TASP1: variants seen among roughly 807,000 people sequenced by gnomAD.
The protein encoded by TASP1 is threonine aspartase 1.
A neutral mutation model predicts 56.6 loss-of-function variants in TASP1; 16 were observed. The ratio of observed to expected loss-of-function variants is 0.28; its 90% CI spans 0.19 to 0.43. The LOEUF is 0.43. Among genes scored for constraint, TASP1 ranks in the 20% least tolerant of loss-of-function variants. TASP1 has a pLI of 1.00. For synonymous variants in TASP1, 179 were observed against 184.2 expected (o/e 0.97, Z 0.23); for missense variants, 393 against 511.6 (o/e 0.77, Z 2.24).
At chr20:13,325,338 C>T in the TASP1 span, among the ~76,000 whole-genome samples, 2 of 152,222 alleles carry the variant, frequency 1.3e-5, no homozygotes, top group Non-Finnish European at 2.9e-5. Context: ...GTGCCAACCT[C>T]GTGCTTAAGA....
At chr20:13,635,746 A>C (rs543474862) in intron 1 of TASP1, among the ~76,000 whole-genome samples, 1 of 152,212 alleles carries the variant, frequency 6.6e-6, no homozygotes, top group African/African-American at 2.4e-5. Context: ...AGCAAATCAG[A>C]TGATTCCTAA....
the TASP1 span, among the ~76,000 whole-genome samples, chr20:13,193,839 C>T: frequency 6.6e-6 from 1 of 152,180 alleles, no homozygotes; most frequent in African/African-American, 2.4e-5. Context: ...AAGCGGCATG[C>T]TAATAGTATC....
chr20:13,393,713 AAG>A (rs1009726133), intron 13 of TASP1: 4 of 976,732 alleles, frequency 4.1e-6, no homozygotes, highest in African/African-American at 3.2e-5. Flanking sequence ...GCATGAAAGG[AAG>A]AGAGAGGCCC....
chr20:13,229,569 A>G, the TASP1 span, among the ~76,000 whole-genome samples: 2 of 152,162 alleles, frequency 1.3e-5, no homozygotes, highest in African/African-American at 4.8e-5. Context: ...ATCCCCATCA[A>G]TGGACATTTG....
chr20:13,490,425 CA>C (rs1480781020), intron 10 of TASP1, among the ~76,000 whole-genome samples: 8 of 152,084 alleles, frequency 5.3e-5, no homozygotes, highest in Admixed American at 1.3e-4. Flanking sequence ...AAAAAGTTGG[CA>C]AAACCCCAAG....
the TASP1 span, among the ~76,000 whole-genome samples, chr20:13,208,339 T>A: frequency 6.6e-6 from 1 of 152,178 alleles, no homozygotes; most frequent in African/African-American, 2.4e-5. Context: ...TTTAGTAGCA[T>A]CCCTGTTATA....
chr20:13,450,154 T>C (rs1042770952), intron 11 of TASP1, among the ~76,000 whole-genome samples: 4 of 152,096 alleles, frequency 2.6e-5, no homozygotes, highest in African/African-American at 9.7e-5. Context: ...CTAAAAAATG[T>C]AAATAACTTA....
At chr20:13,121,918 C>T in the TASP1 span, among the ~76,000 whole-genome samples, 1 of 152,246 alleles carries the variant, frequency 6.6e-6, no homozygotes, top group Non-Finnish European at 1.5e-5. Context: ...ATGACCTTGA[C>T]TTTAAAAAAT....
At chr20:13,298,864 G>C in the TASP1 span, 2 of 1,451,676 alleles carry the variant, frequency 1.4e-6, no homozygotes, top group Non-Finnish European at 1.9e-6. Context: ...GAGCAGCCTG[G>C]TGTCACATGC....
chr20:13,120,123 G>A, the TASP1 span, among the ~76,000 whole-genome samples: 160 of 152,016 alleles, frequency 1.1e-3, no homozygotes, highest in African/African-American at 3.4e-3. Flanking sequence ...ATTAGGATTC[G>A]GCAAATACTA....
At chr20:13,221,081 G>C in the TASP1 span, among the ~76,000 whole-genome samples, 14 of 152,224 alleles carry the variant, frequency 9.2e-5, no homozygotes, top group African/African-American at 3.4e-4. Flanking sequence ...CCGGGACTCC[G>C]AGTGCGGGGC....
chr20:13,214,586 G>GAC, the TASP1 span, among the ~76,000 whole-genome samples: 434 of 150,260 alleles, frequency 2.9e-3, 2 homozygotes, highest in South Asian at 6.9e-3. Context: ...GAGAGAGAGA[G>GAC]AGACAGAAAG....
intron 4 of TASP1, among the ~76,000 whole-genome samples, chr20:13,590,013 C>G (rs760904295): frequency 2.6e-5 from 4 of 152,174 alleles, no homozygotes; most frequent in Non-Finnish European, 5.9e-5. Context: ...AGGCAGATCA[C>G]TTGAGGCCAG....
chr20:13,385,347 T>C (rs1379965315), downstream of TASP1, among the ~76,000 whole-genome samples: 1 of 152,232 alleles, frequency 6.6e-6, no homozygotes, highest in Non-Finnish European at 1.5e-5. Flanking sequence ...TAAAAGTGTT[T>C]GTCTGTCTCC....
chr20:13,514,867 CA>C (rs1453659808), intron 10 of TASP1, among the ~76,000 whole-genome samples: 4 of 152,132 alleles, frequency 2.6e-5, no homozygotes, highest in Non-Finnish European at 5.9e-5. Flanking sequence ...GATCATGCTG[CA>C]ATTCACTAAT....
At chr20:13,105,008 T>A in the TASP1 span, among the ~76,000 whole-genome samples, 92 of 152,136 alleles carry the variant, frequency 6.0e-4, no homozygotes, top group African/African-American at 1.6e-3. Flanking sequence ...ATCATTATTT[T>A]AAAAAAAATC....
the TASP1 span, among the ~76,000 whole-genome samples, chr20:13,306,564 C>CAAAAAAAAAAAAAAAA: frequency 7.8e-5 from 5 of 63,914 alleles, no homozygotes; most frequent in Non-Finnish European, 1.3e-4. Context: ...GGAGAAAGGA[C>CAAAAAAAAAAAAAAAA]AAAAAAAAAA....
chr20:13,636,389 A>G (rs1159764924), intron 1 of TASP1, among the ~76,000 whole-genome samples: 1 of 146,728 alleles, frequency 6.8e-6, no homozygotes, highest in East Asian at 2.0e-4. Context: ...TGAACTCCTG[A>G]CCTCAAATGA....
chr20:13,448,078 G>A (rs1166423204), intron 11 of TASP1, among the ~76,000 whole-genome samples: 2 of 152,050 alleles, frequency 1.3e-5, no homozygotes, highest in Non-Finnish European at 2.9e-5. Context: ...ACTTATCCAT[G>A]TTTTCTATTT....
Sources: allele counts gnomAD v4.1 joint callset (sites outside exome capture counted in the v4.1 genomes callset), GRCh38; gene constraint gnomAD v4.1.1; transcripts MANE v1.5; gene names NCBI Gene and HGNC (gene_info 2026-07-23, HGNC 2026-07-21).